The following SDCBP variants were observed in gnomAD, a reference collection of about 807,000 sequenced individuals.
SDCBP encodes syndecan binding protein.
A neutral mutation model predicts 30.5 loss-of-function variants in SDCBP; 22 were observed. The ratio of observed to expected loss-of-function variants is 0.72; its 90% confidence interval spans 0.52 to 1.03. The LOEUF is 1.03. Ranked by LOEUF, SDCBP falls within the 50% of genes least tolerant of loss-of-function variation. The probability of loss-of-function intolerance (pLI) is 0.00; values close to 1 mark genes in which losing one functional copy is unlikely to be tolerated. For missense variants in SDCBP, 304 were observed against 369.9 expected (o/e 0.82, Z 1.46); for synonymous variants, 103 against 118.7 (o/e 0.87, Z 0.86).
In SDCBP at chr8:58,582,725, A is replaced by G. The variant is rs1474732370; in HGVS notation, c.*985A>G. On this transcript the variant is annotated 3_prime_UTR_variant, in exon 9 of 9. Transcript: ENST00000260130. ...GGGATGGTCTTAGAATATTTTTCTG[A>G]TAACTTGTTCCTTTTCCTGACTCCT... 2 of 152,650 alleles carry G rather than the reference A, an allele frequency of 1.3e-5. No individual in the cohort carries two copies. The highest frequency in any genetic ancestry group is 2.9e-5 in the Non-Finnish European group (2 of 68,028). 9.5% of individuals were successfully genotyped at this position (152,650 alleles called of 1,614,324 possible). A position where few individuals can be genotyped will look rare whatever the true frequency, so the allele number is the denominator to read the frequency against.
At chr8:58,553,650 T>A (rs904006896) in intron 1 of SDCBP, among the ~76,000 whole-genome samples, 6 of 152,234 alleles carry the variant, frequency 3.9e-5, no homozygotes, top group African/African-American at 1.4e-4. Context: ...GCTCTGGGGT[T>A]CTTCCTGGGA....
intron 1 of SDCBP, among the ~76,000 whole-genome samples, chr8:58,557,029 A>G (rs1441700374): frequency 1.5e-5 from 2 of 134,076 alleles, no homozygotes; most frequent in African/African-American, 5.7e-5. Flanking sequence ...ATACTATATT[A>G]TAAGTATATA....
intron 1 of SDCBP, among the ~76,000 whole-genome samples, chr8:58,553,806 G>A (rs1803953734): frequency 6.6e-6 from 1 of 152,232 alleles, no homozygotes; most frequent in Admixed American, 6.5e-5. Flanking sequence ...GGATTTGAAA[G>A]GAGGAAGGAA....
chr8:58,557,885 A>C (rs189175055), intron 1 of SDCBP, among the ~76,000 whole-genome samples: 1 of 152,328 alleles, frequency 6.6e-6, no homozygotes, highest in Admixed American at 6.5e-5. Context: ...ATAATGTTTG[A>C]TAAGAGTTGC....
intron 3 of SDCBP, 116 bp downstream of exon 3, chr8:58,571,081 C>A: frequency 1.5e-6 from 1 of 665,464 alleles, no homozygotes; most frequent in Non-Finnish European, 2.6e-6. Flanking sequence ...GGTAGTTAAG[C>A]TCAAATAGTT....
chr8:58,553,785 C>T (rs1199939601), intron 1 of SDCBP, among the ~76,000 whole-genome samples: 3 of 152,172 alleles, frequency 2.0e-5, no homozygotes, highest in Non-Finnish European at 4.4e-5. Context: ...TTGGGTTATT[C>T]GGAAAGTCCT....
Position 58,580,452 on chromosome 8 carries a change from G to T in SDCBP, c.751-65G>T, listed in dbSNP as rs1048794382. The T allele has an allele frequency of 4.6e-5, 37 of 800,538 alleles. 1 individual carries two copies. The highest frequency in any genetic ancestry group is 5.0e-5 in the Non-Finnish European group (23 of 463,146). 49.6% of individuals were successfully genotyped at this position (800,538 alleles called of 1,614,324 possible). A position where few individuals can be genotyped will look rare whatever the true frequency, so the allele number is the denominator to read the frequency against. On this transcript the variant is annotated intron_variant, in intron 7 of 8. Transcript: ENST00000260130. ...ATTTTGTATTTCTTTACCAAGACTG[G>T]CATAGTTTTGTATTTATTAAATAAA...
At chr8:58,578,233 A>T in intron 6 of SDCBP, 25 bp downstream of exon 6, 1 of 1,459,152 alleles carries the variant, frequency 6.9e-7, no homozygotes, top group Non-Finnish European at 9.1e-7. Flanking sequence ...AACAGCTCAA[A>T]TGAAAATTCA....
At chr8:58,575,401 G>C (rs1444121077) in intron 4 of SDCBP, among the ~76,000 whole-genome samples, 2 of 152,160 alleles carry the variant, frequency 1.3e-5, no homozygotes, top group East Asian at 3.8e-4. Flanking sequence ...ATGGTTACTA[G>C]AGGGGAAGAG....
chr8:58,575,825 G>C, intron 4 of SDCBP, 75 bp from the exon 5 acceptor site: 1 of 1,329,000 alleles, frequency 7.5e-7, no homozygotes, highest in Non-Finnish European at 1.1e-6. Flanking sequence ...AACTGAGTAA[G>C]TTCCAGTTAA....
intron 1 of SDCBP, among the ~76,000 whole-genome samples, chr8:58,564,784 G>A (rs1433113646): frequency 2.0e-5 from 3 of 152,130 alleles, no homozygotes; most frequent in South Asian, 2.1e-4. Flanking sequence ...TTTAAAAATC[G>A]GTGATGGATA....
chr8:58,558,558 C>T (rs1296080926), intron 1 of SDCBP, among the ~76,000 whole-genome samples: 4 of 152,206 alleles, frequency 2.6e-5, no homozygotes, highest in Non-Finnish European at 4.4e-5. Context: ...GTTGGGATTA[C>T]AGGCACTGCG....
intron 1 of SDCBP, 146 bp from the exon 2 acceptor site, chr8:58,564,873 A>G (rs1021777986): frequency 1.0e-5 from 5 of 478,158 alleles, no homozygotes; most frequent in African/African-American, 6.2e-5. Flanking sequence ...TATGGCCTAT[A>G]TATTCTTATT....
chr8:58,570,545 T>G (rs1804957548), intron 2 of SDCBP, among the ~76,000 whole-genome samples: 1 of 152,144 alleles, frequency 6.6e-6, no homozygotes, highest in South Asian at 2.1e-4. Flanking sequence ...GACTAATTAG[T>G]AAAAGAATAA....
At chr8:58,580,069 G>T (rs1394253416) in intron 7 of SDCBP, 2 of 320,082 alleles carry the variant, frequency 6.2e-6, no homozygotes, top group Non-Finnish European at 1.1e-5. Flanking sequence ...ATGAATAGTG[G>T]CCCAGCATTT....
Position 58,581,779 on chromosome 8 carries a change from G to GT in SDCBP, c.*42dup. On this transcript the variant is annotated 3_prime_UTR_variant, in exon 9 of 9. Coordinates refer to ENST00000260130, the MANE Select transcript of SDCBP (RefSeq NM_005625.4). ...ATGGAAATGTAGCTGAACGTCTCCAGTTTCCTTCTTTGGCAACTTCTGTAT... is the reference window on the plus strand; with the variant it reads ...ATGGAAATGTAGCTGAACGTCTCCAGTTTTCCTTCTTTGGCAACTTCTGTAT... 1 of 1,582,464 alleles carries GT rather than the reference G, an allele frequency of 6.3e-7. No individual in the cohort carries two copies. Among genetic ancestry groups the GT allele is most frequent in the Non-Finnish European group, 8.7e-7 (1 of 1,152,980 alleles).
chr8:58,561,996 T>A (rs770231298), intron 1 of SDCBP, among the ~76,000 whole-genome samples: 3 of 151,910 alleles, frequency 2.0e-5, no homozygotes, highest in Non-Finnish European at 4.4e-5. Context: ...AGATGTTTTA[T>A]GTAAACTCCA....
intron 1 of SDCBP, among the ~76,000 whole-genome samples, chr8:58,559,548 T>G (rs1804324673): frequency 6.6e-6 from 1 of 152,130 alleles, no homozygotes; most frequent in South Asian, 2.1e-4. Context: ...CTCTCAAGAA[T>G]GTGAATTTTT....
chr8:58,562,559 C>T (rs1404001446), intron 1 of SDCBP, among the ~76,000 whole-genome samples: 1 of 142,820 alleles, frequency 7.0e-6, no homozygotes, highest in African/African-American at 2.7e-5. Context: ...GATCACTTTT[C>T]AATAACGATG....
Sources: gnomAD v4.1 joint callset for allele counts (sites outside exome capture counted in the v4.1 genomes callset) on GRCh38, gnomAD v4.1.1 for gene constraint, MANE v1.5 for transcripts, NCBI Gene and HGNC (gene_info 2026-07-23, HGNC 2026-07-21) for gene names.